Variants in EFL1 observed in about 807,000 individuals in gnomAD.
The protein encoded by EFL1 is elongation factor-like GTPase 1.
EFL1 carries 76 observed loss-of-function variants against 126.7 expected under a neutral mutation model. The observed-to-expected ratio is 0.60, with a 90% confidence interval of 0.50 to 0.73. The LOEUF is 0.73. Among genes scored for constraint, EFL1 ranks in the 30% least tolerant of loss-of-function variants. EFL1 has a pLI of 0.00. For synonymous variants in EFL1, 410 were observed against 448.4 expected (o/e 0.91, Z 1.08); for missense variants, 1,128 against 1,343.2 (o/e 0.84, Z 2.50).
intron 6 of EFL1, 148 bp downstream of exon 6, chr15:82,240,270 A>G: frequency 1.4e-6 from 1 of 722,066 alleles, no homozygotes. Flanking sequence ...TGCTTTTTCT[A>G]TTGCCTCTCT....
intron 13 of EFL1, 100 bp from the exon 14 acceptor site, chr15:82,219,918 G>A (rs529661736): frequency 6.7e-7 from 1 of 1,490,790 alleles, no homozygotes; most frequent in South Asian, 1.4e-5. Context: ...CTTTCGTCAA[G>A]TTTCAGGAAA....
At chr15:82,181,724 A>C (rs950662084) in intron 15 of EFL1, among the ~76,000 whole-genome samples, 4 of 152,036 alleles carry the variant, frequency 2.6e-5, no homozygotes, top group African/African-American at 7.3e-5. Flanking sequence ...TGAACGTGAC[A>C]CTGTGCCTCC....
intron 15 of EFL1, among the ~76,000 whole-genome samples, chr15:82,177,317 T>G (rs1249448063): frequency 2.6e-5 from 4 of 152,152 alleles, no homozygotes; most frequent in Admixed American, 2.6e-4. Context: ...CTGCAACTAA[T>G]AAAAATAAAC....
At chr15:82,237,465 G>C (rs1463760816) in intron 7 of EFL1, among the ~76,000 whole-genome samples, 1 of 152,188 alleles carries the variant, frequency 6.6e-6, no homozygotes, top group Non-Finnish European at 1.5e-5. Flanking sequence ...TATCATATTA[G>C]TACACACCCA....
chr15:82,239,372 G>A (rs1324279821), intron 6 of EFL1, among the ~76,000 whole-genome samples: 2 of 152,078 alleles, frequency 1.3e-5, no homozygotes, highest in African/African-American at 2.4e-5. Context: ...TCCTGACCTC[G>A]TGATCCACCC....
intron 15 of EFL1, among the ~76,000 whole-genome samples, chr15:82,183,921 G>C (rs1003053496): frequency 2.0e-5 from 3 of 152,166 alleles, no homozygotes; most frequent in African/African-American, 7.2e-5. Context: ...TAGTAATAGA[G>C]GGCTCACCTT....
chr15:82,157,990 A>G, intron 16 of EFL1, 130 bp from the exon 17 acceptor site: 1 of 1,094,762 alleles, frequency 9.1e-7, no homozygotes, highest in Non-Finnish European at 1.3e-6. Flanking sequence ...TTTTTCTTCC[A>G]GATAGTGTAG....
rs1595996484 is a variant in EFL1, at chr15:82,228,447, A to C, written c.933-120T>G. ...GTGTTACTTTTTCAAAAAAAGCTAA[A>C]AATGATTGAAGGGAATCCTGCCGCC... is the stretch of plus-strand genomic sequence containing the variant. On this transcript the variant is annotated intron_variant, in intron 9 of 19. Transcript: ENST00000268206. The C allele has an allele frequency of 1.1e-5, 14 of 1,302,032 alleles. No homozygotes were observed. In the East Asian group the frequency reaches 3.5e-4, roughly 33 times the overall value. 80.7% of individuals were successfully genotyped at this position (1,302,032 alleles called of 1,614,324 possible).
chr15:82,173,620 C>G (rs1254482482), intron 15 of EFL1, among the ~76,000 whole-genome samples: 1 of 152,052 alleles, frequency 6.6e-6, no homozygotes, highest in East Asian at 1.9e-4. Context: ...TGCAAATATT[C>G]TATAATTAAC....
In EFL1 at chr15:82,151,723, C is replaced by T; in HGVS notation, c.2731G>A (p.Ala911Thr). ...KFEEQGASDL[A>T]KEGQEENETC... ...TCATTTTCCTCCTGTCCCTCTTTTG[C>T]CAGATCACTTGCTCCTTGTTCCTCA... The change falls in exon 18 of 20, where the codon GCA (alanine) becomes ACA (threonine). Residue 911 changes from alanine to threonine, a missense_variant. By Grantham distance (58) the Ala-to-Thr change is moderately conservative. This residue lies in a region of EFL1 where 561 missense variants were observed against 641.7 expected (regional missense o/e 0.87). Transcript: ENST00000268206. 1 of 1,614,118 alleles carries T rather than the reference C, an allele frequency of 6.2e-7. No homozygotes were observed. Among genetic ancestry groups the T allele is most frequent in the Middle Eastern group, 1.6e-4 (1 of 6,062 alleles).
At chr15:82,167,158 G>C (rs957819811) in intron 15 of EFL1, among the ~76,000 whole-genome samples, 2 of 152,122 alleles carry the variant, frequency 1.3e-5, no homozygotes, top group Non-Finnish European at 2.9e-5. Flanking sequence ...AGAGAAAGCA[G>C]GTTGAGGAAC....
Position 82,130,483 on chromosome 15 carries a change from TC to T in EFL1, c.3252del (p.Asn1085ThrfsTer7). 6.2e-7 allele frequency: 1 copy of T among 1,614,166 alleles called. No individual in the cohort carries two copies. The highest frequency in any genetic ancestry group is 8.5e-7 in the Non-Finnish European group (1 of 1,180,026). ...GCGTTCATGTACTTCCGGGCTTGGT[TC>T]TCAGAGTCAGCCTTCTCCCCAAAGT... is the stretch of plus-strand genomic sequence containing the variant. ...YLHFGEKADS[E>X]NQARKYMNAV... On this transcript the variant is annotated frameshift_variant, in exon 20 of 20. Coordinates refer to ENST00000268206, the MANE Select transcript of EFL1 (RefSeq NM_024580.6). LOFTEE classifies it high-confidence loss of function.
intron 15 of EFL1, among the ~76,000 whole-genome samples, chr15:82,208,287 A>C (rs1207024224): frequency 6.6e-6 from 1 of 152,202 alleles, no homozygotes; most frequent in African/African-American, 2.4e-5. Context: ...TTTGAAGAAA[A>C]GGTAATTCTT....
intron 5 of EFL1, among the ~76,000 whole-genome samples, 170 bp downstream of exon 5, chr15:82,241,100 T>C (rs151045855): frequency 0.1 from 15,637 of 152,236 alleles, 1,069 homozygotes; most frequent in African/African-American, 0.17. Context: ...TCATCATCTC[T>C]AAGATCCCTT....
Position 82,152,015 on chromosome 15 carries a change from C to T in EFL1, c.2439G>A (p.Gly813=), listed in dbSNP as rs373299450. The T allele has an allele frequency of 3.1e-6, 5 of 1,614,162 alleles. No homozygotes were observed. Among genetic ancestry groups the T allele is most frequent in the Non-Finnish European group, 4.2e-6 (5 of 1,180,034 alleles). The change falls in exon 18 of 20, where the codon GGG becomes GGA. Residue 813 remains glycine, a synonymous_variant. Transcript: ENST00000268206. Reference sequence around the variant, plus strand: ...GGTCAACAATGTTCCTCCATCTTCTCCCTGTTAGGTGTTGCTCCAGTTTTC... The same window carrying T: ...GGTCAACAATGTTCCTCCATCTTCTTCCTGTTAGGTGTTGCTCCAGTTTTC... ...FKGKLEQHLT[G]RRWRNIVDQI... is the part of the protein sequence containing the mutation.
At position 82,151,957 on chromosome 15, in the gene EFL1, G is replaced by C; in HGVS notation, c.2497C>G (p.Pro833Ala). The C allele has an allele frequency of 6.2e-7, 1 of 1,614,024 alleles. No individual in the cohort carries two copies. Among genetic ancestry groups the C allele is most frequent in the Non-Finnish European group, 8.5e-7 (1 of 1,180,002 alleles). The change falls in exon 18 of 20, where the codon CCC becomes GCC. Residue 833 changes from proline (P) to alanine (A), a missense_variant. Transcript: ENST00000268206. ...TCACTTTTATTGACTAGTATGTTGGGCCCACATTTTCTTGGGCCAAATGAC... is the reference window on the plus strand; with the variant it reads ...TCACTTTTATTGACTAGTATGTTGGCCCCACATTTTCTTGGGCCAAATGAC... ...IWSFGPRKCG[P>A]NILVNKSEDF... is the part of the protein sequence containing the mutation.
At chr15:82,192,721 C>T (rs1595973555) in intron 15 of EFL1, among the ~76,000 whole-genome samples, 1 of 152,046 alleles carries the variant, frequency 6.6e-6, no homozygotes, top group East Asian at 1.9e-4. Flanking sequence ...AGAAATTGCC[C>T]AGGGACAGAG....
At chr15:82,214,948 T>C (rs1486342894) in intron 14 of EFL1, 93 bp from the exon 15 acceptor site, 7 of 1,311,550 alleles carry the variant, frequency 5.3e-6, no homozygotes, top group East Asian at 5.0e-5. Context: ...CAGTAAGATA[T>C]GGTATAGCAA....
chr15:82,241,520 G>A (rs2074931318), intron 4 of EFL1, 117 bp from the exon 5 acceptor site: 1 of 1,294,680 alleles, frequency 7.7e-7, no homozygotes, highest in Admixed American at 2.8e-5. Flanking sequence ...CAAAGCTAAA[G>A]GAGTTGAAAG....
Sources: allele counts gnomAD v4.1 joint callset (sites outside exome capture counted in the v4.1 genomes callset), GRCh38; gene constraint gnomAD v4.1.1; regional missense constraint gnomAD v4.1.1; transcripts MANE v1.5; gene names NCBI Gene and HGNC (gene_info 2026-07-23, HGNC 2026-07-21).